ANKRD11: variants seen among roughly 807,000 people sequenced by gnomAD.
The protein encoded by ANKRD11 is ankyrin repeat domain-containing protein 11.
In ANKRD11, 17 loss-of-function variants were observed where a neutral mutation model predicts 195.7. That is an observed-to-expected ratio of 0.09 (90% CI 0.06 to 0.13). The LOEUF (loss-of-function observed/expected upper bound fraction) is 0.13. ANKRD11 is among the 10% of genes least tolerant of loss of function. The probability of loss-of-function intolerance (pLI) is 1.00; values close to 1 mark genes in which losing one functional copy is unlikely to be tolerated. For missense variants in ANKRD11, 3,735 were observed against 3,566.1 expected (o/e 1.05, Z -1.21); for synonymous variants, 1,953 against 1,528.1 (o/e 1.28, Z -6.49).
intron 2 of ANKRD11, among the ~76,000 whole-genome samples, chr16:89,328,646 G>A (rs963729451): frequency 3.4e-5 from 5 of 146,492 alleles, no homozygotes; most frequent in African/African-American, 5.1e-5. Flanking sequence ...GAGCACGGGC[G>A]AAATCAGCGG....
chr16:89,269,398 T>C (rs541838874), intron 12 of ANKRD11, among the ~76,000 whole-genome samples: 22 of 152,178 alleles, frequency 1.4e-4, no homozygotes, highest in Non-Finnish European at 2.9e-4. Context: ...TCAACATATA[T>C]ATATGTATGA....
chr16:89,392,313 G>C (rs1032674980), intron 2 of ANKRD11: 1 of 152,360 alleles, frequency 6.6e-6, no homozygotes, highest in Non-Finnish European at 1.5e-5. Context: ...ACGGCACCAG[G>C]GAGCAAGCAT....
At chr16:89,438,744 C>A (rs1464843993) in intron 1 of ANKRD11, among the ~76,000 whole-genome samples, 1 of 152,090 alleles carries the variant, frequency 6.6e-6, no homozygotes, top group Non-Finnish European at 1.5e-5. Flanking sequence ...AATCTCAAGT[C>A]ATCAAATGTT....
chr16:89,485,040 G>A (rs966496385), intron 1 of ANKRD11, among the ~76,000 whole-genome samples: 2 of 151,338 alleles, frequency 1.3e-5, no homozygotes, highest in Non-Finnish European at 2.9e-5. Context: ...GAAAGCGGGT[G>A]TGGGGAAGCC....
rs369946522 is a variant in ANKRD11 at position 89,279,043 on chromosome 16, G to A, written c.7470+29C>T. On this transcript the variant is annotated intron_variant, in intron 9 of 12. Coordinates refer to ENST00000301030, the MANE Select transcript of ANKRD11 (RefSeq NM_013275.6). This position sits in a 1 kb window ranked among gnomAD's most constrained non-coding sequence, Gnocchi z 5.6. ...CCCAGACGCATCCCAGAGAGAGAAGGCAGTGGCTCTCCCGGGCCCCGCACT... is the reference window on the plus strand; with the variant it reads ...CCCAGACGCATCCCAGAGAGAGAAGACAGTGGCTCTCCCGGGCCCCGCACT... 2.5e-6 allele frequency: 4 copies of A among 1,612,682 alleles called. No homozygotes were observed. The highest frequency in any genetic ancestry group is 2.2e-5 in the South Asian group (2 of 90,898).
At chr16:89,389,186 T>C (rs2041062546) in intron 2 of ANKRD11, among the ~76,000 whole-genome samples, 1 of 142,136 alleles carries the variant, frequency 7.0e-6, no homozygotes, top group Admixed American at 7.0e-5. Context: ...GTCTGGCTAA[T>C]TTTTTTTTTT....
chr16:89,307,527 G>A lies in ANKRD11; in HGVS notation c.88-2183C>T, dbSNP rs898787955. On this transcript the variant is annotated intron_variant, in intron 3 of 12. Transcript: ENST00000301030. ...CGGGGACAGGAGGAGGGTGCCAGACGGGTCTCTGGGGAGACGGGGCCTCAG... is the reference window on the plus strand; with the variant it reads ...CGGGGACAGGAGGAGGGTGCCAGACAGGTCTCTGGGGAGACGGGGCCTCAG... 2.6e-5 allele frequency among the ~76,000 whole-genome samples: 4 copies of A among 152,146 alleles called. No homozygotes were observed. The South Asian group carries it at 6.2e-4, about 24-fold the overall frequency.
In ANKRD11 at chr16:89,418,766, CT is replaced by C. The variant is rs771543095; in HGVS notation, c.-144-399del. On this transcript the variant is annotated intron_variant, in intron 1 of 12. Transcript: ENST00000301030. ...CCAGTAAGCTAAGTTTTTAAAAGGC[CT>C]TTTTTTTTTTTTTGGAGACAGAGTT... is the stretch of plus-strand genomic sequence containing the variant. 5.3e-3 allele frequency among the ~76,000 whole-genome samples: 750 copies of C among 142,330 alleles called. 1 individual carries two copies. The highest frequency in any genetic ancestry group is 9.3e-3 in the African/African-American group (362 of 39,092). 93.4% of individuals were successfully genotyped at this position (142,330 alleles called of 152,430 possible). A position where few individuals can be genotyped will look rare whatever the true frequency, so the allele number is the denominator to read the frequency against.
intron 2 of ANKRD11, among the ~76,000 whole-genome samples, chr16:89,416,783 T>A (rs1292791302): frequency 2.0e-5 from 3 of 150,454 alleles, no homozygotes; most frequent in African/African-American, 4.9e-5. Flanking sequence ...AAAAAAAAAA[T>A]TAAAAAAAGA....
chr16:89,327,057 T>TG (rs1415071953), intron 2 of ANKRD11, among the ~76,000 whole-genome samples: 1 of 148,906 alleles, frequency 6.7e-6, no homozygotes, highest in Non-Finnish European at 1.5e-5. Context: ...AGGTGGGAAA[T>TG]GCAGAGGTGG....
At chr16:89,351,663 C>T (rs1347520062) in intron 2 of ANKRD11, among the ~76,000 whole-genome samples, 3 of 152,118 alleles carry the variant, frequency 2.0e-5, no homozygotes, top group Non-Finnish European at 4.4e-5. Context: ...GGCGCAGGTT[C>T]GTGTCATGCC....
intron 2 of ANKRD11, among the ~76,000 whole-genome samples, chr16:89,385,239 G>C (rs997911933): frequency 2.0e-5 from 3 of 151,466 alleles, no homozygotes; most frequent in African/African-American, 7.3e-5. Context: ...ACCCAGGCTG[G>C]AGTGCAATGG....
chr16:89,364,340 A>G (rs2039858661), intron 2 of ANKRD11, among the ~76,000 whole-genome samples: 1 of 152,198 alleles, frequency 6.6e-6, no homozygotes. Flanking sequence ...GAATTAAGAG[A>G]ACTCATAAAT....
chr16:89,441,767 C>CAAAAAAAAA (rs57747159), intron 1 of ANKRD11, among the ~76,000 whole-genome samples: 899 of 52,274 alleles, frequency 0.017, 190 homozygotes, highest in Non-Finnish European at 0.021. Context: ...ACTCCGCCTA[C>CAAAAAAAAA]AAAAAAAAAA....
At chr16:89,442,557 A>ACCTGTTT (rs2043562496) in intron 1 of ANKRD11, among the ~76,000 whole-genome samples, 2 of 152,064 alleles carry the variant, frequency 1.3e-5, no homozygotes, top group Non-Finnish European at 2.9e-5. Flanking sequence ...GTCAAAACAA[A>ACCTGTTT]CCTGTTTCCA....
At chr16:89,384,562 G>C (rs982666354) in intron 2 of ANKRD11, among the ~76,000 whole-genome samples, 1 of 152,032 alleles carries the variant, frequency 6.6e-6, no homozygotes, top group African/African-American at 2.4e-5. Context: ...GATGGGAATG[G>C]GACAGGATGG....
At position 89,279,783 on chromosome 16, in the gene ANKRD11, G is replaced by T. The variant is rs763538904; in HGVS notation, c.6759C>A (p.Ser2253Arg). 2 of 1,533,514 alleles carry T rather than the reference G, an allele frequency of 1.3e-6. No homozygotes were observed. Among genetic ancestry groups the T allele is most frequent in the South Asian group, 1.2e-5 (1 of 84,200 alleles). 95.0% of individuals were successfully genotyped at this position (1,533,514 alleles called of 1,614,324 possible). Residue 2253 changes from serine (S) to arginine (R), a missense_variant, in exon 9 of 13, where the codon AGC becomes AGA. Coordinates refer to ENST00000301030, the MANE Select transcript of ANKRD11 (RefSeq NM_013275.6). This position sits in a 1 kb window ranked among gnomAD's most constrained non-coding sequence, Gnocchi z 5.6. ...CTTCAGCCTCAGCCCCCTGGTCTCCGCTCCCCAGTGGGCGCTGTTCTGGGG... is the reference window on the plus strand; with the variant it reads ...CTTCAGCCTCAGCCCCCTGGTCTCCTCTCCCCAGTGGGCGCTGTTCTGGGG... Reference protein sequence around the residue: ...PVPPEQRPLGSGDQGAEAEGP... With the variant: ...PVPPEQRPLGRGDQGAEAEGP...
intron 1 of ANKRD11, among the ~76,000 whole-genome samples, chr16:89,457,793 A>G (rs1330407937): frequency 2.0e-5 from 3 of 152,088 alleles, no homozygotes; most frequent in South Asian, 2.1e-4. Context: ...ATCCTACTGT[A>G]CCTTCTAAAA....
At position 89,279,729 on chromosome 16, in the gene ANKRD11, A is replaced by C; in HGVS notation, c.6813T>G (p.Pro2271=). 1 of 1,536,352 alleles carries C rather than the reference A, an allele frequency of 6.5e-7. No individual in the cohort carries two copies. The highest frequency in any genetic ancestry group is 1.2e-5 in the South Asian group (1 of 84,882). Residue 2271 remains proline (P), a synonymous_variant, in exon 9 of 13, where the codon CCT becomes CCG. Transcript: ENST00000301030. This position sits in a 1 kb window ranked among gnomAD's most constrained non-coding sequence, Gnocchi z 5.6. ...CCACAGTGTTCGGGGCGGGGCCGTC[A>C]GGGGCACAGAGGGACGCGGCGGGGG... The part of the protein sequence containing the change: ...EGPPAASLCA[P]DGPAPNTVAQ...
Sources: gnomAD v4.1 joint callset for allele counts (sites outside exome capture counted in the v4.1 genomes callset) on GRCh38, gnomAD v4.1.1 for gene constraint, Gnocchi (gnomAD v3.1) non-coding constraint, MANE v1.5 for transcripts, NCBI Gene and HGNC (gene_info 2026-07-23, HGNC 2026-07-21) for gene names.